The following AOAH variants were observed in gnomAD, a reference collection of about 807,000 sequenced individuals.
The protein encoded by AOAH is acyloxyacyl hydrolase (neutrophil).
A neutral mutation model predicts 92.2 loss-of-function variants in AOAH; 64 were observed. The observed-to-expected ratio is 0.69, with a 90% confidence interval of 0.57 to 0.86. AOAH has a LOEUF of 0.86. Among genes scored for constraint, AOAH ranks in the 40% least tolerant of loss-of-function variants. The pLI is 0.00. For synonymous variants in AOAH, 263 were observed against 254.5 expected, an observed-to-expected ratio of 1.03 and a Z score of -0.32; for missense variants, 656 against 694.6, an observed-to-expected ratio of 0.94 and a Z score of 0.62.
At chr7:36,538,292 G>T (rs560012973) in intron 16 of AOAH, among the ~76,000 whole-genome samples, 29 of 152,056 alleles carry the variant, frequency 1.9e-4, no homozygotes, top group African/African-American at 6.8e-4. Context: ...CTCCCAAATT[G>T]CTAAGATTAC....
At chr7:36,612,517 C>T (rs2718185) in intron 11 of AOAH, among the ~76,000 whole-genome samples, 16,117 of 152,132 alleles carry the variant, frequency 0.11, 1,146 homozygotes, top group East Asian at 0.22. Context: ...TATTCCTGTA[C>T]ATATATTCTT....
chr7:36,569,968 A>T (rs980196282), intron 13 of AOAH, among the ~76,000 whole-genome samples: 2 of 151,954 alleles, frequency 1.3e-5, no homozygotes, highest in African/African-American at 4.8e-5. Context: ...TCTACTCTTG[A>T]TTTTATTTTT....
At chr7:36,584,924 C>T (rs1789203345) in intron 12 of AOAH, among the ~76,000 whole-genome samples, 1 of 152,148 alleles carries the variant, frequency 6.6e-6, no homozygotes, top group Non-Finnish European at 1.5e-5. Flanking sequence ...TGAGCACCTG[C>T]CATGTGTCAT....
intron 1 of AOAH, among the ~76,000 whole-genome samples, chr7:36,692,170 C>T (rs6947416): frequency 0.56 from 85,323 of 152,016 alleles, 24,332 homozygotes; most frequent in East Asian, 0.83. Context: ...ATGAGGCTTA[C>T]GTGATACCAC....
rs915437919 is a variant in AOAH, at chr7:36,724,471, A to G, written c.-323T>C. The G allele has an allele frequency of 2.2e-5, 5 of 229,726 alleles. No homozygotes were observed. The highest frequency in any genetic ancestry group is 1.1e-4 in the African/African-American group (5 of 45,278). 14.2% of individuals were successfully genotyped at this position (229,726 alleles called of 1,614,324 possible). ...GAAAACCCAAGTTGCACAGTGGCAC[A>G]ACTTCCGTGCTCCCTGGCTCAGTGA... On this transcript the variant is annotated 5_prime_UTR_variant, in exon 1 of 21. Transcript: ENST00000617537.
In AOAH at chr7:36,720,716, T is replaced by A. The variant is rs554152251; in HGVS notation, c.127+3306A>T. Among the ~76,000 whole-genome samples, 509 of 152,282 alleles carry A rather than the reference T, an allele frequency of 3.3e-3. 5 individuals carry two copies. Among genetic ancestry groups the A allele is most frequent in the African/African-American group, 0.012 (494 of 41,562 alleles). On this transcript the variant is annotated intron_variant, in intron 1 of 20. Coordinates refer to ENST00000617537, the MANE Select transcript of AOAH (RefSeq NM_001637.4). ...GTAATCTTTACAAGGCTCCAGGTTT[T>A]CGTTTTCCTCTAAACTGGACAGTGA... is the stretch of plus-strand genomic sequence containing the variant.
In AOAH at chr7:36,696,315, C is replaced by T. The variant is rs756660472; in HGVS notation, c.128-9521G>A. On this transcript the variant is annotated intron_variant, in intron 1 of 20. Coordinates refer to ENST00000617537, the MANE Select transcript of AOAH (RefSeq NM_001637.4). Reference sequence around the variant, plus strand: ...AGTTTTCCAATTTCTACAAAAACTCCTATTAGGATTTTGATTAGAATTGTG... The same window carrying T: ...AGTTTTCCAATTTCTACAAAAACTCTTATTAGGATTTTGATTAGAATTGTG... 1.9e-4 allele frequency among the ~76,000 whole-genome samples: 29 copies of T among 152,216 alleles called. No individual in the cohort carries two copies. In the Middle Eastern group the frequency reaches 0.017, roughly 89 times the overall value.
chr7:36,595,844 T>A (rs1032439930), intron 11 of AOAH, among the ~76,000 whole-genome samples: 4 of 152,226 alleles, frequency 2.6e-5, no homozygotes, highest in Non-Finnish European at 5.9e-5. Flanking sequence ...CCGTGCTCCC[T>A]TCGGGTAAAT....
chr7:36,535,026 G>GTGTC (rs1381198711), intron 16 of AOAH, among the ~76,000 whole-genome samples: 2 of 124,914 alleles, frequency 1.6e-5, no homozygotes, highest in African/African-American at 3.3e-5. Context: ...GTCTGTGTCT[G>GTGTC]TGTGTGTGTC....
Position 36,513,199 on chromosome 7 carries a change from T to C in AOAH, c.*53A>G. The C allele has an allele frequency of 6.2e-7, 1 of 1,614,160 alleles. No individual in the cohort carries two copies. Among genetic ancestry groups the C allele is most frequent in the South Asian group, 1.1e-5 (1 of 91,088 alleles). ...CCCCATAGGGTTTGTGGAATGAGTT[T>C]ACCCAAGCCTCTGCCTCCCTGTGCT... On this transcript the variant is annotated 3_prime_UTR_variant, in exon 21 of 21. Coordinates refer to ENST00000617537, the MANE Select transcript of AOAH (RefSeq NM_001637.4).
intron 15 of AOAH, among the ~76,000 whole-genome samples, chr7:36,547,304 C>G (rs761344819): frequency 6.6e-5 from 10 of 152,250 alleles, no homozygotes; most frequent in Non-Finnish European, 8.8e-5. Context: ...AAGGTGACAT[C>G]TGGCGTATCA....
intron 1 of AOAH, among the ~76,000 whole-genome samples, chr7:36,700,459 A>C (rs1797960766): frequency 6.6e-6 from 1 of 152,094 alleles, no homozygotes; most frequent in East Asian, 1.9e-4. Flanking sequence ...CACTTAAGAT[A>C]ATGGCCTCCA....
At chr7:36,599,172 ATG>A (rs1449563063) in intron 11 of AOAH, among the ~76,000 whole-genome samples, 1 of 152,070 alleles carries the variant, frequency 6.6e-6, no homozygotes, top group Non-Finnish European at 1.5e-5. Flanking sequence ...GTGTGTGGGT[ATG>A]TGTGTGTGTA....
intron 20 of AOAH, among the ~76,000 whole-genome samples, chr7:36,517,255 TG>T (rs1783829575): frequency 1.5e-5 from 1 of 67,690 alleles, no homozygotes; most frequent in South Asian, 7.2e-4. Flanking sequence ...TTTCTTTCTG[TG>T]TCTCTCTCTT....
At chr7:36,608,598 T>A (rs114626329) in intron 11 of AOAH, among the ~76,000 whole-genome samples, 1 of 152,022 alleles carries the variant, frequency 6.6e-6, no homozygotes, top group Admixed American at 6.5e-5. Context: ...AAGCTCAGAG[T>A]AAAGAAGTGA....
chr7:36,671,036 T>C (rs149105583), intron 3 of AOAH, among the ~76,000 whole-genome samples: 1 of 152,326 alleles, frequency 6.6e-6, no homozygotes, highest in African/African-American at 2.4e-5. Context: ...CATTTGCATG[T>C]ATTGCCCCCT....
At chr7:36,585,086 A>G (rs1789220576) in intron 12 of AOAH, among the ~76,000 whole-genome samples, 1 of 152,048 alleles carries the variant, frequency 6.6e-6, no homozygotes, top group Non-Finnish European at 1.5e-5. Context: ...ACATGATAGG[A>G]TCTCAGAAAA....
In AOAH at chr7:36,620,752, T is replaced by C. The variant is rs1792220894; in HGVS notation, c.702+29A>G. 1.9e-6 allele frequency: 3 copies of C among 1,610,496 alleles called. No homozygotes were observed. The Admixed American group carries it at 5.0e-5, about 27-fold the overall frequency. ...TAGGGGAGGGAGGAACAAAGGAGAA[T>C]GGGGTTCAAGCTGAATTTAGTTGCT... On this transcript the variant is annotated intron_variant, in intron 9 of 20. Transcript: ENST00000617537.
intron 6 of AOAH, among the ~76,000 whole-genome samples, chr7:36,631,593 T>G (rs1278070222): frequency 6.6e-6 from 1 of 152,218 alleles, no homozygotes; most frequent in Non-Finnish European, 1.5e-5. Flanking sequence ...ATTTTTCATG[T>G]AATAGTTTGG....
Sources: gnomAD v4.1 joint callset for allele counts (sites outside exome capture counted in the v4.1 genomes callset) on GRCh38, gnomAD v4.1.1 for gene constraint, MANE v1.5 for transcripts, NCBI Gene and HGNC (gene_info 2026-07-23, HGNC 2026-07-21) for gene names.